ZNF142: variants seen among roughly 807,000 people sequenced by gnomAD.
ZNF142 encodes the protein zinc finger protein 142.
In ZNF142, 96 loss-of-function variants were observed where a neutral mutation model predicts 132.1. The observed-to-expected ratio is 0.73, with a 90% confidence interval of 0.62 to 0.86. The LOEUF is 0.86. Among genes scored for constraint, ZNF142 ranks in the 40% least tolerant of loss-of-function variants. The probability of loss-of-function intolerance (pLI) is 0.00; values close to 1 mark genes in which losing one functional copy is unlikely to be tolerated. For synonymous variants in ZNF142, 842 were observed against 890.1 expected (o/e 0.95, Z 0.96); for missense variants, 2,163 against 2,336.2 (o/e 0.93, Z 1.53).
intron 9 of ZNF142, among the ~76,000 whole-genome samples, 195 bp downstream of exon 9, chr2:218,641,833 A>C (rs1697219495): frequency 1.3e-5 from 2 of 152,308 alleles, no homozygotes; most frequent in South Asian, 4.1e-4. Flanking sequence ...CACATTATGG[A>C]ACTTTATCTT....
chr2:218,659,580 GA>G lies in ZNF142; in HGVS notation c.-574del, dbSNP rs1939078742. Reference sequence around the variant, plus strand: ...CGCCCTCCACCCCCACTCCAGCCCTGAAGCCGGAGAAGCACCATCGAGAGCT... The same window carrying G: ...CGCCCTCCACCCCCACTCCAGCCCTGAGCCGGAGAAGCACCATCGAGAGCT... On this transcript the variant is annotated 5_prime_UTR_variant, in exon 1 of 11. An upstream open reading frame in the 5' UTR gains an earlier in-frame stop. Coordinates refer to ENST00000411696, the MANE Select transcript of ZNF142 (RefSeq NM_001379659.1). This position sits in a 1 kb window ranked among gnomAD's most constrained non-coding sequence, Gnocchi z 4.4. The G allele has an allele frequency of 6.6e-6, 1 of 152,278 alleles. No homozygotes were observed. The allele number at this position is 152,278 out of a possible 1,614,324, so 9.4% of individuals were successfully genotyped here.
rs754594394 is a variant in ZNF142 at position 218,634,558 on chromosome 2, G to T, written c.*3781C>A. ...GCTATGTGCTGAAGCCAGACTTCCT[G>T]CGTGATATCCAGAGTTCTTTCCACC... On this transcript the variant is annotated 3_prime_UTR_variant, in exon 11 of 11. Coordinates refer to ENST00000411696, the MANE Select transcript of ZNF142 (RefSeq NM_001379659.1). The surrounding 1 kb of genome is among the most constrained non-coding windows in gnomAD (Gnocchi z 4.0). 14 of 1,613,926 alleles carry T rather than the reference G, an allele frequency of 8.7e-6. No individual in the cohort carries two copies. The highest frequency in any genetic ancestry group is 1.2e-5 in the Non-Finnish European group (14 of 1,179,906).
rs775552472 is a variant in ZNF142, at chr2:218,642,094, G to A, written c.5022C>T (p.His1674=). 4 of 1,614,228 alleles carry A rather than the reference G, an allele frequency of 2.5e-6. No individual in the cohort carries two copies. The Admixed American group carries it at 6.7e-5, about 27-fold the overall frequency. Reference sequence around the variant, plus strand: ...GACAGTGGTAAGGCTTTTCCCCAGTGTGGATGCGGCTGTGCCAGGTGATCT... The same window carrying A: ...GACAGTGGTAAGGCTTTTCCCCAGTATGGATGCGGCTGTGCCAGGTGATCT... ...RQKITWHSRI[H]TGEKPYHCHL... The change falls in exon 9 of 11, where the codon CAC becomes CAT. Residue 1674 remains histidine, a synonymous_variant. Coordinates refer to ENST00000411696, the MANE Select transcript of ZNF142 (RefSeq NM_001379659.1). This position sits in a 1 kb window ranked among gnomAD's most constrained non-coding sequence, Gnocchi z 4.6.
Position 218,643,090 on chromosome 2 carries a change from G to C in ZNF142, c.4026C>G (p.Phe1342Leu). 1 of 1,609,152 alleles carries C rather than the reference G, an allele frequency of 6.2e-7. No homozygotes were observed. Among genetic ancestry groups the C allele is most frequent in the Non-Finnish European group, 8.5e-7 (1 of 1,177,660 alleles). The change falls in exon 9 of 11, where the codon TTC becomes TTG. Residue 1342 changes from phenylalanine to leucine, a missense_variant. Transcript: ENST00000411696. ...SGELHCSLCPFTAPAATALRL... is the reference protein window; with the variant it reads ...SGELHCSLCPLTAPAATALRL... ...TTAAGGCAGTGGCAGCAGGAGCAGT[G>C]AATGGGCAGAGGCTGCAGTGCAGCT...
Position 218,635,798 on chromosome 2 carries a change from G to C in ZNF142, c.*2541C>G, listed in dbSNP as rs1411062473. On this transcript the variant is annotated 3_prime_UTR_variant, in exon 11 of 11. Transcript: ENST00000411696. ...AGATTCCAGAGCCCTGACTACAGGT[G>C]ATCAGCGGTCAGCAACTCCCCAAAG... The C allele has an allele frequency of 6.2e-7, 1 of 1,611,890 alleles. No homozygotes were observed. The highest frequency in any genetic ancestry group is 1.1e-5 in the South Asian group (1 of 90,518).
rs759767143 is a variant in ZNF142, at chr2:218,642,875, C to T, written c.4241G>A (p.Arg1414Gln). ...FCDFSTTRRYRLEAHQSRHTG... is the reference protein window; with the variant it reads ...FCDFSTTRRYQLEAHQSRHTG... ...GTGTCGGGACTGGTGAGCCTCTAAC[C>T]GGTACCGTCTGGTGGTCGAAAAGTC... Residue 1414 changes from arginine to glutamine, a missense_variant, in exon 9 of 11, where the codon CGG becomes CAG. This residue lies in a region of ZNF142 where 809 missense variants were observed against 801.7 expected (regional missense o/e 1.01). Coordinates refer to ENST00000411696, the MANE Select transcript of ZNF142 (RefSeq NM_001379659.1). The surrounding 1 kb of genome is among the most constrained non-coding windows in gnomAD (Gnocchi z 4.6). The T allele has an allele frequency of 4.6e-5, 75 of 1,614,022 alleles. No individual in the cohort carries two copies. The highest frequency in any genetic ancestry group is 5.8e-5 in the Non-Finnish European group (68 of 1,180,048).
At chr2:218,640,534 C>T in intron 10 of ZNF142, 130 bp downstream of exon 10, 2 of 771,532 alleles carry the variant, frequency 2.6e-6, no homozygotes, top group Non-Finnish European at 4.4e-6. Flanking sequence ...CATACAACCC[C>T]ACCCTGCTGT....
chr2:218,657,736 C>A (rs1938653839), intron 3 of ZNF142, among the ~76,000 whole-genome samples: 1 of 152,114 alleles, frequency 6.6e-6, no homozygotes, highest in South Asian at 2.1e-4. Context: ...GGCCTGGCTT[C>A]CCGAAACTCT....
intron 6 of ZNF142, 29 bp from the exon 7 acceptor site, chr2:218,649,488 G>C: frequency 1.3e-6 from 2 of 1,509,678 alleles, no homozygotes; most frequent in South Asian, 1.3e-5. Flanking sequence ...AGAGTTGAGA[G>C]AGTGAGATTT....
At chr2:218,654,161 C>T (rs1039040568) in intron 4 of ZNF142, among the ~76,000 whole-genome samples, 16 of 152,212 alleles carry the variant, frequency 1.1e-4, no homozygotes, top group African/African-American at 3.4e-4. Context: ...CTCATCCTTG[C>T]TCTGGCCACT....
rs1313320226 is a variant in ZNF142 at position 218,644,364 on chromosome 2, T to C, written c.2752A>G (p.Thr918Ala). Residue 918 changes from threonine to alanine, a missense_variant, in exon 9 of 11, where the codon ACA becomes GCA. Coordinates refer to ENST00000411696, the MANE Select transcript of ZNF142 (RefSeq NM_001379659.1). This position sits in a 1 kb window ranked among gnomAD's most constrained non-coding sequence, Gnocchi z 4.6. ...AGGGGCCTGAACTCCATAGGGGCTG[T>C]TTCAGTGACCTCCTCAAGGGGTGGC... ...TEPPLEEVTE[T>A]APMEFRPLGL... is the part of the protein sequence containing the mutation. 1.9e-6 allele frequency: 3 copies of C among 1,613,962 alleles called. No individual in the cohort carries two copies. In the African/African-American group the frequency reaches 4.0e-5, roughly 22 times the overall value.
Position 218,638,126 on chromosome 2 carries a change from C to T in ZNF142, c.*213G>A, listed in dbSNP as rs1222718276. 4.8e-6 allele frequency: 2 copies of T among 417,620 alleles called. No individual in the cohort carries two copies. The highest frequency in any genetic ancestry group is 8.2e-6 in the Non-Finnish European group (2 of 245,080). 25.9% of individuals were successfully genotyped at this position (417,620 alleles called of 1,614,324 possible). A position where few individuals can be genotyped will look rare whatever the true frequency, so the allele number is the denominator to read the frequency against. On this transcript the variant is annotated 3_prime_UTR_variant, in exon 11 of 11. Transcript: ENST00000411696. ...ACTTGCAGGTTAAAAACGCAATGTA[C>T]AGCAATAAGAAATCAACGTTATAGT...
Position 218,642,620 on chromosome 2 carries a change from GTC to G in ZNF142, c.4494_4495del (p.Glu1498AspfsTer4), listed in dbSNP as rs1436254226. On this transcript the variant is annotated frameshift_variant, in exon 9 of 11. Transcript: ENST00000411696. LOFTEE classifies it high-confidence loss of function. The surrounding 1 kb of genome is among the most constrained non-coding windows in gnomAD (Gnocchi z 4.6). ...GCGCAGAGCATGCTGCTTAAGTGCT[GTC>G]TCTGAGCTGAACTGGGCTTCACACT... The G allele has an allele frequency of 6.2e-7, 1 of 1,613,888 alleles. No homozygotes were observed. Among genetic ancestry groups the G allele is most frequent in the Non-Finnish European group, 8.5e-7 (1 of 1,180,028 alleles).
Position 218,650,518 on chromosome 2 carries a change from G to C in ZNF142, c.889C>G (p.Leu297Val), listed in dbSNP as rs564667178. 192 of 1,582,152 alleles carry C rather than the reference G, an allele frequency of 1.2e-4. 2 individuals carry two copies. The South Asian group carries it at 2.1e-3, about 18-fold the overall frequency. ...GAAGGTTCTCTCTCTCCTGGAGGCA[G>C]TTTGGGAGCTGGAGATACATAAAAC... Reference protein sequence around the residue: ...PSQELLPAPKLPPGEREPSQE... With the variant: ...PSQELLPAPKVPPGEREPSQE... The change falls in exon 6 of 11, where the codon CTG (leucine) becomes GTG (valine). Residue 297 changes from leucine to valine, a missense_variant. Transcript: ENST00000411696.
chr2:218,643,310 G>C lies in ZNF142; in HGVS notation c.3806C>G (p.Ser1269Cys), dbSNP rs1278373320. Residue 1269 changes from serine to cysteine, a missense_variant, in exon 9 of 11, where the codon TCC becomes TGC. Physicochemically the swap from Ser to Cys is moderately radical, Grantham distance 112. Around this residue, in one of 7 missense-constraint regions of ZNF142, gnomAD observed 809 missense variants for 801.7 expected, o/e 1.01. Coordinates refer to ENST00000411696, the MANE Select transcript of ZNF142 (RefSeq NM_001379659.1). ...RGTPQTQPDV[S>C]PLSNGDSAPP... ...AGCAGAGTCCCCATTGCTCAACGGG[G>C]ACACATCAGGCTGGGTCTGGGGGGT... is the stretch of plus-strand genomic sequence containing the variant. 2.5e-6 allele frequency: 4 copies of C among 1,614,208 alleles called. 1 individual carries two copies. In the South Asian group the frequency reaches 3.3e-5, roughly 13 times the overall value.
intron 8 of ZNF142, among the ~76,000 whole-genome samples, chr2:218,645,318 G>T (rs1697641693): frequency 6.6e-6 from 1 of 152,182 alleles, no homozygotes; most frequent in Non-Finnish European, 1.5e-5. Context: ...CCTAGCTTCA[G>T]GGCCTGTGTT....
rs778902187 is a variant in ZNF142, at chr2:218,644,116, T to A, written c.3000A>T (p.Ser1000=). The part of the protein sequence containing the change: ...ETAPLPPLPE[S]ESLLKALRRQ... ...TCCTTAGGGCCTTGAGTAATGACTC[T>A]GACTCAGGTAATGGGGGCAAGGGTG... is the stretch of plus-strand genomic sequence containing the variant. Residue 1000 remains serine, a synonymous_variant, in exon 9 of 11, where the codon TCA becomes TCT. Transcript: ENST00000411696. This position sits in a 1 kb window ranked among gnomAD's most constrained non-coding sequence, Gnocchi z 4.6. The A allele has an allele frequency of 6.2e-6, 10 of 1,613,988 alleles. No individual in the cohort carries two copies. In the East Asian group the frequency reaches 2.2e-4, roughly 36 times the overall value.
rs1040293580 is a variant in ZNF142 at position 218,643,945 on chromosome 2, A to T, written c.3171T>A (p.Thr1057=). The T allele has an allele frequency of 1.2e-6, 2 of 1,614,008 alleles. No homozygotes were observed. The highest frequency in any genetic ancestry group is 1.3e-5 in the African/African-American group (1 of 74,918). ...REKALNLHSR[T]GCQGRREPLL... Reference sequence around the variant, plus strand: ...GGGGCTCTCGGCGGCCTTGGCACCCAGTCCTGGAGTGCAGATTCAGGGCCT... The same window carrying T: ...GGGGCTCTCGGCGGCCTTGGCACCCTGTCCTGGAGTGCAGATTCAGGGCCT... The change falls in exon 9 of 11, where the codon ACT becomes ACA. Residue 1057 remains threonine, a synonymous_variant. Transcript: ENST00000411696.
In ZNF142 at chr2:218,634,303, G is replaced by A; in HGVS notation, c.*4036C>T. 1.3e-6 allele frequency: 2 copies of A among 1,571,900 alleles called. No homozygotes were observed. Among genetic ancestry groups the A allele is most frequent in the Non-Finnish European group, 1.7e-6 (2 of 1,158,682 alleles). ...AGTTCTCTAGTGATGGTAGGGTTGG[G>A]GAATGCTCAAGAAAATTGCTAGGCT... is the stretch of plus-strand genomic sequence containing the variant. On this transcript the variant is annotated 3_prime_UTR_variant, in exon 11 of 11. Coordinates refer to ENST00000411696, the MANE Select transcript of ZNF142 (RefSeq NM_001379659.1). This position sits in a 1 kb window ranked among gnomAD's most constrained non-coding sequence, Gnocchi z 4.0.
Sources: allele counts gnomAD v4.1 joint callset (sites outside exome capture counted in the v4.1 genomes callset), GRCh38; gene constraint gnomAD v4.1.1; regional missense constraint gnomAD v4.1.1; non-coding constraint Gnocchi (gnomAD v3.1); transcripts MANE v1.5; gene names NCBI Gene and HGNC (gene_info 2026-07-23, HGNC 2026-07-21).